Variants in CLPSL1 observed in about 807,000 individuals in gnomAD.
CLPSL1 encodes colipase-like protein 1.
A neutral mutation model predicts 9.3 loss-of-function variants in CLPSL1; 13 were observed. That is an observed-to-expected ratio of 1.40 (90% confidence interval 0.91 to 2.22). The LOEUF (loss-of-function observed/expected upper bound fraction) is 2.22, where lower values mean the gene tolerates loss of function less well. Ranked by LOEUF, CLPSL1 falls within the 30% of genes most tolerant of loss-of-function variation. The pLI is 0.00. For missense variants in CLPSL1, 164 were observed against 146.6 expected (o/e 1.12, Z -0.61); for synonymous variants, 58 against 56.9 (o/e 1.02, Z -0.08).
Position 35,787,055 on chromosome 6 carries a change from G to A in CLPSL1, c.157G>A (p.Ala53Thr), listed in dbSNP as rs1297006354. 1 of 1,603,796 alleles carries A rather than the reference G, an allele frequency of 6.2e-7. No individual in the cohort carries two copies. The highest frequency in any genetic ancestry group is 8.5e-7 in the Non-Finnish European group (1 of 1,176,818). Reference protein sequence around the residue: ...QDCETGCCQRAPDNCESHCAE... With the variant: ...QDCETGCCQRTPDNCESHCAE... ...CTGCGAGACTGGCTGCTGCCAACGT[G>A]CTCCAGACAATTGCGAGTCGCACTG... is the stretch of plus-strand genomic sequence containing the variant. The change falls in exon 2 of 3, where the codon GCT becomes ACT. Residue 53 changes from alanine to threonine, a missense_variant. Coordinates refer to ENST00000373861, the MANE Select transcript of CLPSL1 (RefSeq NM_001010886.5).
At chr6:35,793,205 C>T (rs894866862) in intron 1 of CLPSL1, among the ~76,000 whole-genome samples, 2 of 152,214 alleles carry the variant, frequency 1.3e-5, no homozygotes, top group Admixed American at 6.5e-5. Context: ...AGGTGGATCA[C>T]CTGAGGTAAG....
rs997927665 is a variant in CLPSL1, at chr6:35,787,069, C to T, written c.171C>T (p.Cys57=). 2.5e-6 allele frequency: 4 copies of T among 1,607,712 alleles called. No individual in the cohort carries two copies. The highest frequency in any genetic ancestry group is 3.4e-6 in the Non-Finnish European group (4 of 1,178,286). The change falls in exon 2 of 3, where the codon TGC becomes TGT. Residue 57 remains cysteine (C), a synonymous_variant. Coordinates refer to ENST00000373861, the MANE Select transcript of CLPSL1 (RefSeq NM_001010886.5). The part of the protein sequence containing the change: ...TGCCQRAPDN[C]ESHCAEKGSE... ...GCTGCCAACGTGCTCCAGACAATTG[C>T]GAGTCGCACTGCGCGGAGAAGGGGT...
chr6:35,788,544 T>A (rs1231392959), downstream of CLPSL1, among the ~76,000 whole-genome samples: 4 of 152,256 alleles, frequency 2.6e-5, no homozygotes, highest in African/African-American at 7.2e-5. Context: ...TCTCATTTAA[T>A]CCTGCAACAA....
At chr6:35,791,190 G>T (rs557545956), downstream of CLPSL1, among the ~76,000 whole-genome samples, 2 of 152,404 alleles carry the variant, frequency 1.3e-5, no homozygotes, top group South Asian at 4.1e-4. Context: ...AGTGGTCATT[G>T]GTAGAGGCTG....
chr6:35,784,200 C>G (rs912800944), intron 1 of CLPSL1, among the ~76,000 whole-genome samples: 3 of 152,012 alleles, frequency 2.0e-5, no homozygotes, highest in Non-Finnish European at 4.4e-5. Context: ...CATTCCAGGT[C>G]ATAGGTAGAT....
intron 1 of CLPSL1, among the ~76,000 whole-genome samples, chr6:35,783,244 C>T (rs1284592902): frequency 1.3e-5 from 2 of 152,228 alleles, no homozygotes; most frequent in Admixed American, 6.5e-5. Flanking sequence ...GGCGCAGTGG[C>T]TCACGCCTGT....
intron 2 of CLPSL1, 78 bp downstream of exon 2, chr6:35,787,198 G>A: frequency 1.8e-5 from 27 of 1,510,644 alleles, no homozygotes; most frequent in Non-Finnish European, 2.4e-5. Flanking sequence ...TTCCTGGGGA[G>A]GAAAGAAGGG....
chr6:35,788,618 G>T (rs961040519), downstream of CLPSL1, among the ~76,000 whole-genome samples: 2 of 152,278 alleles, frequency 1.3e-5, no homozygotes, highest in Admixed American at 6.5e-5. Context: ...TGAGCAACTT[G>T]TTCAAGGTCA....
rs1314482969 is a variant in CLPSL1, at chr6:35,793,238, A to G, written c.82-250A>G. ...AAGGAATTCAAGATCAGCCTGGCCA[A>G]CATGGTGAAACCCTGTCTCTACTAA... On this transcript the variant is annotated intron_variant, in intron 1 of 1. Transcript: ENST00000428710. Among the ~76,000 whole-genome samples, 8 of 152,352 alleles carry G rather than the reference A, an allele frequency of 5.3e-5. No homozygotes were observed. In the East Asian group the frequency reaches 1.4e-3, roughly 26 times the overall value.
At chr6:35,792,999 C>T (rs887947381), downstream of CLPSL1, among the ~76,000 whole-genome samples, 4 of 152,272 alleles carry the variant, frequency 2.6e-5, no homozygotes, top group Non-Finnish European at 5.9e-5. Context: ...ATCAATGAAC[C>T]TGGCCCCAGG....
intron 1 of CLPSL1, among the ~76,000 whole-genome samples, chr6:35,783,763 G>A (rs9348982): frequency 0.61 from 90,653 of 147,862 alleles, 27,720 homozygotes; most frequent in Middle Eastern, 0.7. Flanking sequence ...AGCCGAGATC[G>A]CACCACTGCA....
intron 1 of CLPSL1, among the ~76,000 whole-genome samples, chr6:35,783,131 G>A (rs1364623839): frequency 6.6e-6 from 1 of 152,024 alleles, no homozygotes; most frequent in Non-Finnish European, 1.5e-5. Context: ...CTAGTCAATA[G>A]CACCAAAGGC....
chr6:35,781,050 A>C lies in CLPSL1; in HGVS notation c.-61A>C. On this transcript the variant is annotated 5_prime_UTR_variant, in exon 1 of 3. Coordinates refer to ENST00000373861, the MANE Select transcript of CLPSL1 (RefSeq NM_001010886.5). Reference sequence around the variant, plus strand: ...TGTTCCCACAGCTGGGAGGACACCCACATGGTCGGCGTGCAGGATATTTCG... The same window carrying C: ...TGTTCCCACAGCTGGGAGGACACCCCCATGGTCGGCGTGCAGGATATTTCG... 6.3e-7 allele frequency: 1 copy of C among 1,598,372 alleles called. No homozygotes were observed. Among genetic ancestry groups the C allele is most frequent in the African/African-American group, 1.3e-5 (1 of 74,672 alleles).
chr6:35,789,843 G>A (rs371388606), downstream of CLPSL1, among the ~76,000 whole-genome samples: 13 of 152,228 alleles, frequency 8.5e-5, no homozygotes, highest in African/African-American at 2.9e-4. Flanking sequence ...GCAGTGAGCC[G>A]AGATCATACC....
downstream of CLPSL1, among the ~76,000 whole-genome samples, chr6:35,792,654 C>G (rs2151063966): frequency 6.6e-6 from 1 of 152,390 alleles, no homozygotes; most frequent in African/African-American, 2.4e-5. Flanking sequence ...GGGTCTTGGT[C>G]ACTTGCTTCT....
chr6:35,791,615 A>G (rs747962082), downstream of CLPSL1, among the ~76,000 whole-genome samples: 2,978 of 151,796 alleles, frequency 0.02, 2 homozygotes, highest in South Asian at 0.056. Flanking sequence ...CTCCAAAAAA[A>G]AAAAAAGAAA....
intron 1 of CLPSL1, 75 bp downstream of exon 1, chr6:35,781,284 G>C (rs1767962745): frequency 6.5e-7 from 1 of 1,547,536 alleles, no homozygotes; most frequent in Middle Eastern, 1.8e-4. Flanking sequence ...AGGTGAGCGG[G>C]CATGGGGGCT....
intron 1 of CLPSL1, among the ~76,000 whole-genome samples, chr6:35,784,544 ATTTTTG>A (rs1323484576): frequency 6.6e-6 from 1 of 152,106 alleles, no homozygotes; most frequent in African/African-American, 2.4e-5. Context: ...TTCAAATTTT[ATTTTTG>A]GTTTACACTA....
chr6:35,788,019 CCTT>C lies in CLPSL1; in HGVS notation c.*13_*15del, dbSNP rs201201980. On this transcript the variant is annotated 3_prime_UTR_variant, in exon 3 of 3. Coordinates refer to ENST00000373861, the MANE Select transcript of CLPSL1 (RefSeq NM_001010886.5). ...AGAAAATGTTCTTCTAGTGCTCCCT[CCTT>C]CTTGCTGCCTCCTCCTCCTCCACCT... The C allele has an allele frequency of 3.2e-3, 5,063 of 1,604,330 alleles. 101 individuals are homozygous for C. The African/African-American group carries it at 0.059, about 19-fold the overall frequency.
Sources: gnomAD v4.1 joint callset for allele counts (sites outside exome capture counted in the v4.1 genomes callset) on GRCh38, gnomAD v4.1.1 for gene constraint, MANE v1.5 for transcripts, NCBI Gene and HGNC (gene_info 2026-07-23, HGNC 2026-07-21) for gene names.